The following MAP3K5 variants were observed in gnomAD, a reference collection of about 807,000 sequenced individuals.
MAP3K5 encodes the protein mitogen-activated protein kinase kinase kinase 5.
A neutral mutation model predicts 158.7 loss-of-function variants in MAP3K5; 56 were observed. The observed-to-expected ratio is 0.35, with a 90% CI of 0.28 to 0.44. MAP3K5 has a LOEUF of 0.44. MAP3K5 is among the 20% of genes least tolerant of loss of function. The probability of loss-of-function intolerance (pLI) is 1.00; values close to 1 mark genes in which losing one functional copy is unlikely to be tolerated. For missense variants in MAP3K5, 1,294 were observed against 1,674.8 expected (o/e 0.77, Z 3.97); for synonymous variants, 579 against 601.7 (o/e 0.96, Z 0.55).
At chr6:136,737,037 G>GTGTATATACATATATATATATATATATA (rs759947051) in intron 1 of MAP3K5, among the ~76,000 whole-genome samples, 1 of 127,002 alleles carries the variant, frequency 7.9e-6, no homozygotes, top group African/African-American at 3.8e-5. Context: ...ATATGTGTGT[G>GTGTATATACATATATATATATATATATA]TATATATATA....
intron 14 of MAP3K5, among the ~76,000 whole-genome samples, chr6:136,627,592 G>A (rs1777100661): frequency 6.6e-6 from 1 of 152,140 alleles, no homozygotes; most frequent in African/African-American, 2.4e-5. Flanking sequence ...AGGTCATGAG[G>A]CTAGAGCTCT....
chr6:136,730,517 C>T (rs1269551861), intron 1 of MAP3K5, among the ~76,000 whole-genome samples: 1 of 151,466 alleles, frequency 6.6e-6, no homozygotes, highest in Non-Finnish European at 1.5e-5. Flanking sequence ...GTCAGGAGAT[C>T]GAGACCATCC....
chr6:136,739,370 CTT>C lies in MAP3K5; in HGVS notation c.449-18783_449-18782del, dbSNP rs566787938. ...CCTGTCAACCAACAATAACAATAGT[CTT>C]TGTCACAGAAAGGGCTTAACAACAA... is the stretch of plus-strand genomic sequence containing the variant. On this transcript the variant is annotated intron_variant, in intron 1 of 29. Transcript: ENST00000359015. 3.8e-4 allele frequency among the ~76,000 whole-genome samples: 58 copies of C among 152,286 alleles called. 1 individual carries two copies. In the South Asian group the frequency reaches 9.5e-3, roughly 25 times the overall value.
At chr6:136,612,692 T>A (rs568610575) in intron 17 of MAP3K5, among the ~76,000 whole-genome samples, 20 of 152,234 alleles carry the variant, frequency 1.3e-4, no homozygotes, top group Non-Finnish European at 2.4e-4. Flanking sequence ...GTGATACTTG[T>A]GAGAAAAGAG....
chr6:136,765,339 C>T (rs1424426925), intron 1 of MAP3K5, among the ~76,000 whole-genome samples: 1 of 151,726 alleles, frequency 6.6e-6, no homozygotes, highest in Non-Finnish European at 1.5e-5. Flanking sequence ...ACTCTGTTAC[C>T]CTGCTTGGTA....
intron 1 of MAP3K5, among the ~76,000 whole-genome samples, chr6:136,752,473 G>A (rs1344092576): frequency 2.0e-5 from 3 of 152,250 alleles, no homozygotes; most frequent in African/African-American, 4.8e-5. Context: ...GTGCAATGGC[G>A]TGATCTTGGC....
intron 1 of MAP3K5, among the ~76,000 whole-genome samples, chr6:136,760,027 G>C (rs973911306): frequency 1.3e-5 from 2 of 152,124 alleles, no homozygotes; most frequent in Non-Finnish European, 2.9e-5. Flanking sequence ...TAGTTTAAGA[G>C]AGAAATGAAA....
chr6:136,656,227 C>A, intron 10 of MAP3K5, 80 bp downstream of exon 10: 3 of 1,284,064 alleles, frequency 2.3e-6, no homozygotes, highest in South Asian at 2.5e-5. Flanking sequence ...AAAAATCAGC[C>A]CCCAAGCACT....
chr6:136,580,079 C>A lies in MAP3K5; in HGVS notation c.3517+222G>T, dbSNP rs546971205. ...TTTTCTCTTCACATCTAAACACATT[C>A]CTTAAAGACAGGGGAAGCAAGTCTT... On this transcript the variant is annotated intron_variant, in intron 25 of 29. Transcript: ENST00000359015. 8.5e-5 allele frequency among the ~76,000 whole-genome samples: 13 copies of A among 152,284 alleles called. No homozygotes were observed. In the South Asian group the frequency reaches 1.2e-3, roughly 15 times the overall value.
At chr6:136,738,792 C>T (rs1782585344) in intron 1 of MAP3K5, among the ~76,000 whole-genome samples, 1 of 152,060 alleles carries the variant, frequency 6.6e-6, no homozygotes, top group Non-Finnish European at 1.5e-5. Context: ...CGGCTGATGG[C>T]CTAAGGAACC....
intron 1 of MAP3K5, among the ~76,000 whole-genome samples, chr6:136,757,586 AT>A (rs897486770): frequency 0.024 from 3,091 of 127,790 alleles, 107 homozygotes; most frequent in African/African-American, 0.084. Flanking sequence ...TTTATTTTTT[AT>A]TTTTTTTTTT....
intron 6 of MAP3K5, among the ~76,000 whole-genome samples, 170 bp downstream of exon 6, chr6:136,695,781 A>C (rs1780577939): frequency 6.6e-6 from 1 of 152,270 alleles, no homozygotes; most frequent in Middle Eastern, 3.2e-3. Flanking sequence ...TAAATCAGAA[A>C]AAAATGAGAA....
At chr6:136,726,204 T>C (rs990044656) in intron 1 of MAP3K5, among the ~76,000 whole-genome samples, 4 of 152,220 alleles carry the variant, frequency 2.6e-5, no homozygotes, top group Non-Finnish European at 4.4e-5. Context: ...TTGATATCTA[T>C]CAATTGATAG....
intron 1 of MAP3K5, among the ~76,000 whole-genome samples, chr6:136,784,916 C>T (rs1198846980): frequency 1.3e-5 from 2 of 152,184 alleles, no homozygotes; most frequent in East Asian, 1.9e-4. Context: ...TTCTCTCTCT[C>T]GATTTTCCTC....
chr6:136,789,522 G>A (rs751066033), intron 1 of MAP3K5, among the ~76,000 whole-genome samples: 9 of 151,892 alleles, frequency 5.9e-5, no homozygotes, highest in Non-Finnish European at 1.0e-4. Flanking sequence ...AGAGGCTTCC[G>A]AGAGCATGCC....
At chr6:136,639,470 C>G in intron 13 of MAP3K5, 73 bp downstream of exon 13, 2 of 745,904 alleles carry the variant, frequency 2.7e-6, no homozygotes, top group Non-Finnish European at 4.5e-6. Flanking sequence ...ACAGGAGGTA[C>G]ATGTTCACTC....
chr6:136,669,593 C>G (rs372539230), intron 7 of MAP3K5, among the ~76,000 whole-genome samples, 198 bp from the exon 8 acceptor site: 1 of 151,934 alleles, frequency 6.6e-6, no homozygotes, highest in Non-Finnish European at 1.5e-5. Context: ...TGCTTTCCCC[C>G]GCTTAGCTCA....
intron 1 of MAP3K5, among the ~76,000 whole-genome samples, chr6:136,738,951 C>T (rs1205219207): frequency 4.6e-5 from 7 of 152,064 alleles, no homozygotes; most frequent in Non-Finnish European, 1.0e-4. Flanking sequence ...TGCACACACA[C>T]ACACACACAC....
chr6:136,571,867 C>A (rs1466097774), intron 25 of MAP3K5, among the ~76,000 whole-genome samples: 1 of 152,196 alleles, frequency 6.6e-6, no homozygotes, highest in Non-Finnish European at 1.5e-5. Flanking sequence ...ATTTTACATT[C>A]CCAACAACAG....
Sources: gnomAD v4.1 joint callset for allele counts (sites outside exome capture counted in the v4.1 genomes callset) on GRCh38, gnomAD v4.1.1 for gene constraint, MANE v1.5 for transcripts, NCBI Gene and HGNC (gene_info 2026-07-23, HGNC 2026-07-21) for gene names.